The following JARID2 variants were observed in gnomAD, a reference collection of about 807,000 sequenced individuals.
JARID2 encodes the protein protein Jumonji.
JARID2 carries 21 observed loss-of-function variants against 125.6 expected under a neutral mutation model. The observed-to-expected ratio is 0.17, with a 90% CI of 0.12 to 0.24. JARID2 has a LOEUF of 0.24. Among genes scored for constraint, JARID2 ranks in the 10% least tolerant of loss-of-function variants. JARID2 has a pLI of 1.00. For missense variants in JARID2, 1,303 were observed against 1,639.6 expected, an observed-to-expected ratio of 0.79 and a Z score of 3.55; for synonymous variants, 736 against 661.6, an observed-to-expected ratio of 1.11 and a Z score of -1.73.
At chr6:15,454,608 G>C (rs2127646453) in intron 4 of JARID2, among the ~76,000 whole-genome samples, 1 of 151,348 alleles carries the variant, frequency 6.6e-6, no homozygotes, top group South Asian at 2.1e-4. Flanking sequence ...CTCTCCAATA[G>C]CTAGACCTAC....
intron 1 of JARID2, among the ~76,000 whole-genome samples, chr6:15,282,943 C>A (rs1209933882): frequency 1.3e-5 from 2 of 151,036 alleles, no homozygotes; most frequent in East Asian, 3.9e-4. Context: ...CAGAGCACTT[C>A]ATGTTCCTGA....
intron 2 of JARID2, among the ~76,000 whole-genome samples, chr6:15,399,104 A>G (rs1253081476): frequency 1.2e-4 from 19 of 152,212 alleles, no homozygotes. Flanking sequence ...AGTGGGGTGC[A>G]TTCCAAACAC....
At chr6:15,450,240 G>A (rs1379996544) in intron 3 of JARID2, among the ~76,000 whole-genome samples, 1 of 151,972 alleles carries the variant, frequency 6.6e-6, no homozygotes, top group Non-Finnish European at 1.5e-5. Flanking sequence ...CGTGATCTTG[G>A]CTCACTGCAA....
chr6:15,425,645 A>C (rs1242773461), intron 3 of JARID2, among the ~76,000 whole-genome samples: 1 of 152,142 alleles, frequency 6.6e-6, no homozygotes, highest in Non-Finnish European at 1.5e-5. Context: ...CTACTCTACT[A>C]TGTTAGGTAA....
chr6:15,412,813 A>G (rs1354033709), intron 3 of JARID2, among the ~76,000 whole-genome samples: 1 of 152,110 alleles, frequency 6.6e-6, no homozygotes, highest in Non-Finnish European at 1.5e-5. Flanking sequence ...CCTGTCTTCA[A>G]CGCACATACA....
At chr6:15,483,822 C>T (rs945131845) in intron 5 of JARID2, among the ~76,000 whole-genome samples, 1 of 152,150 alleles carries the variant, frequency 6.6e-6, no homozygotes, top group Non-Finnish European at 1.5e-5. Flanking sequence ...TTTTGAGGAG[C>T]TATCTGAAAA....
intron 3 of JARID2, among the ~76,000 whole-genome samples, chr6:15,428,005 TGTCGCC>T (rs909741098): frequency 6.6e-6 from 1 of 152,192 alleles, no homozygotes; most frequent in Admixed American, 6.5e-5. Flanking sequence ...TTCTTACTAC[TGTCGCC>T]GTATACTTCC....
At chr6:15,372,747 T>C (rs559197109) in intron 1 of JARID2, among the ~76,000 whole-genome samples, 1 of 152,004 alleles carries the variant, frequency 6.6e-6, no homozygotes, top group Non-Finnish European at 1.5e-5. Flanking sequence ...TCTCACTCTG[T>C]CTCCCAGGCT....
chr6:15,512,098 A>G (rs753729926), intron 13 of JARID2, 110 bp from the exon 14 acceptor site: 8 of 867,744 alleles, frequency 9.2e-6, no homozygotes, highest in Non-Finnish European at 1.4e-5. Context: ...CACATAAAAC[A>G]ATCTTATCTC....
chr6:15,273,799 T>A (rs976512247), intron 1 of JARID2, among the ~76,000 whole-genome samples: 1 of 152,180 alleles, frequency 6.6e-6, no homozygotes, highest in Non-Finnish European at 1.5e-5. Flanking sequence ...GGACCCTGGC[T>A]TTGAGTCAGG....
At chr6:15,503,155 T>C (rs1046400710) in intron 8 of JARID2, among the ~76,000 whole-genome samples, 6 of 152,234 alleles carry the variant, frequency 3.9e-5, no homozygotes, top group African/African-American at 1.4e-4. Flanking sequence ...AGCAGCCGTG[T>C]GCCCACGGGT....
intron 7 of JARID2, among the ~76,000 whole-genome samples, chr6:15,498,213 G>A (rs1290729210): frequency 6.6e-6 from 1 of 152,144 alleles, no homozygotes; most frequent in African/African-American, 2.4e-5. Context: ...TTTTGTCAAG[G>A]CCACAGGTCA....
chr6:15,302,474 C>T (rs1435645704), intron 1 of JARID2, among the ~76,000 whole-genome samples: 2 of 151,852 alleles, frequency 1.3e-5, no homozygotes, highest in African/African-American at 4.8e-5. Flanking sequence ...TAGTTCAAAG[C>T]CTAATGGTGT....
chr6:15,249,614 A>G (rs1327108356), intron 1 of JARID2, among the ~76,000 whole-genome samples: 1 of 152,172 alleles, frequency 6.6e-6, no homozygotes, highest in Non-Finnish European at 1.5e-5. Flanking sequence ...CCTCTTTATA[A>G]GTAAGGTGGC....
intron 1 of JARID2, among the ~76,000 whole-genome samples, chr6:15,287,608 G>A (rs1761052828): frequency 6.6e-6 from 1 of 152,092 alleles, no homozygotes; most frequent in African/African-American, 2.4e-5. Flanking sequence ...AGTGAATATG[G>A]GACTGTTTCC....
At chr6:15,335,578 G>T (rs1762850821) in intron 1 of JARID2, among the ~76,000 whole-genome samples, 1 of 152,120 alleles carries the variant, frequency 6.6e-6, no homozygotes, top group Non-Finnish European at 1.5e-5. Context: ...TCTCTTCTGT[G>T]TGAACATGGT....
chr6:15,320,846 C>CTGTGTG (rs1302118188), intron 1 of JARID2, among the ~76,000 whole-genome samples: 3 of 133,516 alleles, frequency 2.2e-5, no homozygotes, highest in Admixed American at 7.3e-5. Context: ...CATTCTCTCT[C>CTGTGTG]TCTCTCTGTG....
At chr6:15,373,593 G>A (rs756265549) in intron 1 of JARID2, among the ~76,000 whole-genome samples, 11 of 152,114 alleles carry the variant, frequency 7.2e-5, no homozygotes, top group Non-Finnish European at 1.2e-4. Flanking sequence ...TGGCCAATGC[G>A]GATCCAATTC....
At chr6:15,292,078 G>T (rs540664492) in intron 1 of JARID2, among the ~76,000 whole-genome samples, 2 of 151,880 alleles carry the variant, frequency 1.3e-5, no homozygotes, top group African/African-American at 2.4e-5. Flanking sequence ...ATGCAGTGGC[G>T]CCATCTCGGC....
Sources: allele counts gnomAD v4.1 joint callset (sites outside exome capture counted in the v4.1 genomes callset), GRCh38; gene constraint gnomAD v4.1.1; transcripts MANE v1.5; gene names NCBI Gene and HGNC (gene_info 2026-07-23, HGNC 2026-07-21).